Variants in HORMAD2 observed in about 807,000 individuals in gnomAD.
HORMAD2 encodes the protein HORMA domain containing 2.
HORMAD2 carries 45 observed loss-of-function variants against 38.8 expected under a neutral mutation model. The ratio of observed to expected loss-of-function variants is 1.16; its 90% CI spans 0.91 to 1.49. HORMAD2 has a LOEUF of 1.49. Among genes scored for constraint, HORMAD2 ranks in the 40% most tolerant of loss-of-function variants. The probability of loss-of-function intolerance (pLI) is 0.00; values close to 1 mark genes in which losing one functional copy is unlikely to be tolerated. For missense variants in HORMAD2, 338 were observed against 367.0 expected, an observed-to-expected ratio of 0.92 and a Z score of 0.65; for synonymous variants, 126 against 122.8, an observed-to-expected ratio of 1.03 and a Z score of -0.17.
At chr22:30,094,217 TG>T (rs749076326) in intron 2 of HORMAD2, among the ~76,000 whole-genome samples, 14 of 152,198 alleles carry the variant, frequency 9.2e-5, no homozygotes, top group South Asian at 4.1e-4. Context: ...ACTGGGTGCT[TG>T]TTTCATGTTT....
At chr22:30,173,958 A>G (rs909048708) in intron 10 of HORMAD2, among the ~76,000 whole-genome samples, 3 of 152,216 alleles carry the variant, frequency 2.0e-5, no homozygotes, top group Admixed American at 6.5e-5. Context: ...GCTTAAGGCA[A>G]AGCCTACTTT....
intron 1 of HORMAD2, among the ~76,000 whole-genome samples, chr22:30,090,943 C>T (rs2068670603): frequency 6.6e-6 from 1 of 152,116 alleles, no homozygotes; most frequent in Non-Finnish European, 1.5e-5. Flanking sequence ...ATTTATTCTC[C>T]TATCTAGCTG....
chr22:30,160,002 G>A (rs1351625095), intron 10 of HORMAD2, among the ~76,000 whole-genome samples: 1 of 152,068 alleles, frequency 6.6e-6, no homozygotes, highest in Non-Finnish European at 1.5e-5. Flanking sequence ...CTGACATGAA[G>A]TCCCTCTCTC....
the HORMAD2 span, among the ~76,000 whole-genome samples, chr22:30,198,179 C>T: frequency 6.6e-6 from 1 of 151,822 alleles, no homozygotes; most frequent in Non-Finnish European, 1.5e-5. Context: ...TGCTCTGTCT[C>T]AAAAAAATAG....
chr22:30,164,064 G>C (rs754417413), intron 10 of HORMAD2, among the ~76,000 whole-genome samples: 10 of 151,798 alleles, frequency 6.6e-5, no homozygotes, highest in African/African-American at 2.4e-4. Flanking sequence ...GTTCTTTTTT[G>C]ACTGGCTTAT....
chr22:30,119,684 G>A (rs1292444842), intron 8 of HORMAD2, among the ~76,000 whole-genome samples: 2 of 152,166 alleles, frequency 1.3e-5, no homozygotes, highest in Non-Finnish European at 2.9e-5. Context: ...CTGATGAGAT[G>A]GCACAGTAGT....
At chr22:30,202,956 C>G in the HORMAD2 span, among the ~76,000 whole-genome samples, 1 of 152,164 alleles carries the variant, frequency 6.6e-6, no homozygotes, top group Non-Finnish European at 1.5e-5. Context: ...GAGCTTGGGC[C>G]CAGGGCACGG....
chr22:30,194,026 A>G, the HORMAD2 span, among the ~76,000 whole-genome samples: 48,514 of 152,046 alleles, frequency 0.32, 8,460 homozygotes, highest in East Asian at 0.61. Context: ...CAGAGAATAC[A>G]GCCCCTTGCC....
At chr22:30,120,526 C>G (rs957541230) in intron 8 of HORMAD2, among the ~76,000 whole-genome samples, 1 of 152,146 alleles carries the variant, frequency 6.6e-6, no homozygotes, top group Non-Finnish European at 1.5e-5. Context: ...GTCATGGTCC[C>G]TCCTGGAAAC....
At chr22:30,181,242 G>A (rs778606574), downstream of HORMAD2, among the ~76,000 whole-genome samples, 2 of 151,780 alleles carry the variant, frequency 1.3e-5, no homozygotes, top group Non-Finnish European at 2.9e-5. Context: ...TTGAACTCCT[G>A]GGCTCAAGCT....
chr22:30,078,962 C>T (rs2068423529), upstream of HORMAD2, among the ~76,000 whole-genome samples: 1 of 151,806 alleles, frequency 6.6e-6, no homozygotes, highest in Non-Finnish European at 1.5e-5. Flanking sequence ...TTTGCACACC[C>T]CATGGGACAT....
chr22:30,165,242 TTACTC>T (rs1925706032), intron 10 of HORMAD2, among the ~76,000 whole-genome samples: 1 of 152,204 alleles, frequency 6.6e-6, no homozygotes, highest in Non-Finnish European at 1.5e-5. Flanking sequence ...TCTGGGCTCT[TTACTC>T]TACTCCATTG....
At chr22:30,122,373 C>A (rs1922522659) in intron 10 of HORMAD2, among the ~76,000 whole-genome samples, 159 bp downstream of exon 10, 1 of 152,056 alleles carries the variant, frequency 6.6e-6, no homozygotes. Flanking sequence ...AAAGTTTAAT[C>A]TTCTAAAAGG....
chr22:30,086,109 C>T (rs1050816143), intron 1 of HORMAD2, among the ~76,000 whole-genome samples: 10 of 152,150 alleles, frequency 6.6e-5, no homozygotes, highest in Admixed American at 1.3e-4. Flanking sequence ...TATGAGTTCT[C>T]ATGAGATCTG....
chr22:30,138,244 T>TC (rs534677981), intron 10 of HORMAD2, among the ~76,000 whole-genome samples: 1 of 69,816 alleles, frequency 1.4e-5, no homozygotes, highest in African/African-American at 4.5e-5. Context: ...CTTTTGCCCA[T>TC]TTTTTTTTTT....
At chr22:30,148,674 G>T (rs1924567497) in intron 10 of HORMAD2, among the ~76,000 whole-genome samples, 1 of 151,980 alleles carries the variant, frequency 6.6e-6, no homozygotes, top group South Asian at 2.1e-4. Flanking sequence ...AATTTTGGAA[G>T]AACAATAAAA....
At chr22:30,196,840 A>G in the HORMAD2 span, among the ~76,000 whole-genome samples, 10 of 152,142 alleles carry the variant, frequency 6.6e-5, no homozygotes, top group African/African-American at 2.4e-4. Context: ...CCTGACATGA[A>G]ATTGCTCACC....
At chr22:30,134,243 C>T (rs1054746527) in intron 10 of HORMAD2, among the ~76,000 whole-genome samples, 20 of 151,556 alleles carry the variant, frequency 1.3e-4, no homozygotes, top group African/African-American at 4.6e-4. Context: ...ACCAAAAATA[C>T]AAAAAATTAG....
chr22:30,176,037 G>C (rs368044150), intron 10 of HORMAD2, 26 bp from the exon 11 acceptor site: 23 of 1,455,358 alleles, frequency 1.6e-5, no homozygotes, highest in Non-Finnish European at 2.2e-5. Context: ...CTGCTGAATT[G>C]TGCCTCTCTC....
Sources: gnomAD v4.1 joint callset for allele counts (sites outside exome capture counted in the v4.1 genomes callset) on GRCh38, gnomAD v4.1.1 for gene constraint, MANE v1.5 for transcripts, NCBI Gene and HGNC (gene_info 2026-07-23, HGNC 2026-07-21) for gene names.